The following CACNA2D3 variants were observed in gnomAD, a reference collection of about 807,000 sequenced individuals.
CACNA2D3 encodes the protein calcium voltage-gated channel auxiliary subunit alpha2delta 3.
CACNA2D3 carries 60 observed loss-of-function variants against 160.6 expected under a neutral mutation model. The ratio of observed to expected loss-of-function variants is 0.37; its 90% CI spans 0.30 to 0.46. The LOEUF (loss-of-function observed/expected upper bound fraction) is 0.46. Among genes scored for constraint, CACNA2D3 ranks in the 20% least tolerant of loss-of-function variants. The probability of loss-of-function intolerance (pLI) is 1.00; values close to 1 mark genes in which losing one functional copy is unlikely to be tolerated. For synonymous variants in CACNA2D3, 558 were observed against 492.9 expected (o/e 1.13, Z -1.75); for missense variants, 1,205 against 1,365.0 (o/e 0.88, Z 1.85).
intron 2 of CACNA2D3, among the ~76,000 whole-genome samples, chr3:54,210,522 A>G (rs2107361836): frequency 6.6e-6 from 1 of 152,106 alleles, no homozygotes; most frequent in South Asian, 2.1e-4. Flanking sequence ...GTATATGTGA[A>G]CTTGGTAAGG....
chr3:54,401,325 A>G (rs572261618), intron 4 of CACNA2D3, among the ~76,000 whole-genome samples: 2 of 152,348 alleles, frequency 1.3e-5, no homozygotes, highest in East Asian at 3.9e-4. Flanking sequence ...GAGGAAGCTT[A>G]TGAAATAATG....
intron 2 of CACNA2D3, among the ~76,000 whole-genome samples, chr3:54,262,801 C>T (rs1026666711): frequency 8.5e-5 from 13 of 152,204 alleles, no homozygotes; most frequent in East Asian, 1.9e-4. Flanking sequence ...AACCGCATGG[C>T]GAGCCACCTC....
chr3:55,071,977 G>A (rs1398110411), intron 35 of CACNA2D3, among the ~76,000 whole-genome samples: 1 of 152,224 alleles, frequency 6.6e-6, no homozygotes, highest in Non-Finnish European at 1.5e-5. Context: ...ATATATTTAT[G>A]TTGATGGGCA....
chr3:54,874,119 T>C (rs2106826532), intron 18 of CACNA2D3, among the ~76,000 whole-genome samples: 1 of 152,358 alleles, frequency 6.6e-6, no homozygotes, highest in East Asian at 1.9e-4. Context: ...ACCACAGTTA[T>C]AACCTGCATA....
intron 4 of CACNA2D3, among the ~76,000 whole-genome samples, chr3:54,466,723 T>A (rs1480334368): frequency 1.3e-5 from 2 of 152,234 alleles, no homozygotes. Context: ...CTCATTATAA[T>A]GTTGTGATTT....
At chr3:55,073,950 C>A in intron 37 of CACNA2D3, 91 bp downstream of exon 37, 1 of 1,195,326 alleles carries the variant, frequency 8.4e-7, no homozygotes. Flanking sequence ...GAAAAGTTCA[C>A]TCATGAGAAA....
chr3:54,860,607 C>T (rs572078565), intron 17 of CACNA2D3, among the ~76,000 whole-genome samples: 37 of 152,322 alleles, frequency 2.4e-4, no homozygotes, highest in African/African-American at 8.4e-4. Flanking sequence ...CAGCTCTGCT[C>T]AGTATGGAAT....
chr3:54,618,374 T>TATACACAC, intron 9 of CACNA2D3, among the ~76,000 whole-genome samples: 1 of 54,582 alleles, frequency 1.8e-5, no homozygotes, highest in African/African-American at 1.1e-4. Flanking sequence ...TATATATATA[T>TATACACAC]GCACACACAC....
Position 54,818,264 on chromosome 3 carries a change from A to G in CACNA2D3, c.1398+1394A>G, listed in dbSNP as rs150748765. 4.1e-3 allele frequency among the ~76,000 whole-genome samples: 620 copies of G among 152,290 alleles called. 4 individuals are homozygous for G. The highest frequency in any genetic ancestry group is 0.013 in the African/African-American group (536 of 41,572). On this transcript the variant is annotated intron_variant, in intron 14 of 37. Transcript: ENST00000474759. Reference sequence around the variant, plus strand: ...GAGTGCAACAATCTCGGCTCACGCAATCTCCACCTCCCGGGTTCAATCGAT... The same window carrying G: ...GAGTGCAACAATCTCGGCTCACGCAGTCTCCACCTCCCGGGTTCAATCGAT...
At chr3:54,726,867 G>A (rs1256751835) in intron 11 of CACNA2D3, among the ~76,000 whole-genome samples, 4 of 152,174 alleles carry the variant, frequency 2.6e-5, no homozygotes, top group African/African-American at 7.2e-5. Flanking sequence ...AAGGCTTCAT[G>A]TCTAAAACAC....
chr3:54,998,664 T>G (rs1702911629), intron 31 of CACNA2D3, among the ~76,000 whole-genome samples: 2 of 152,164 alleles, frequency 1.3e-5, no homozygotes, highest in Admixed American at 1.3e-4. Flanking sequence ...CCTGATAGCC[T>G]GTGTGGTTTA....
intron 4 of CACNA2D3, among the ~76,000 whole-genome samples, chr3:54,464,498 C>T (rs1021158667): frequency 2.5e-4 from 38 of 152,380 alleles, no homozygotes; most frequent in African/African-American, 8.2e-4. Context: ...CTCCCCCAGC[C>T]TCGCTGCCAC....
At chr3:55,000,616 C>T (rs1406765723) in intron 31 of CACNA2D3, among the ~76,000 whole-genome samples, 1 of 152,078 alleles carries the variant, frequency 6.6e-6, no homozygotes, top group Non-Finnish European at 1.5e-5. Context: ...TGGGGGCTGC[C>T]CCAGAGCAAT....
chr3:54,651,280 C>T (rs1699759081), intron 11 of CACNA2D3, among the ~76,000 whole-genome samples: 1 of 152,042 alleles, frequency 6.6e-6, no homozygotes, highest in Non-Finnish European at 1.5e-5. Context: ...AGTCAGAGAG[C>T]AGGAGAACAG....
At chr3:54,782,298 A>G (rs1022683029) in intron 13 of CACNA2D3, among the ~76,000 whole-genome samples, 1 of 152,220 alleles carries the variant, frequency 6.6e-6, no homozygotes, top group African/African-American at 2.4e-5. Context: ...ACAATGCTGT[A>G]TTATATACTG....
chr3:54,989,635 T>C (rs1018662555), intron 31 of CACNA2D3, among the ~76,000 whole-genome samples: 2 of 152,188 alleles, frequency 1.3e-5, no homozygotes, highest in African/African-American at 4.8e-5. Flanking sequence ...AAAATGAAGA[T>C]GACAATAATT....
chr3:54,820,809 C>T (rs1575494613), intron 14 of CACNA2D3, among the ~76,000 whole-genome samples: 1 of 152,218 alleles, frequency 6.6e-6, no homozygotes, highest in Non-Finnish European at 1.5e-5. Context: ...ATGATAATAA[C>T]ATAGCAGAAT....
chr3:54,184,940 G>A (rs186762509), intron 2 of CACNA2D3, among the ~76,000 whole-genome samples: 30 of 152,328 alleles, frequency 2.0e-4, no homozygotes, highest in African/African-American at 7.0e-4. Context: ...ACGTAGGCTA[G>A]GTAGGGAAGC....
intron 21 of CACNA2D3, among the ~76,000 whole-genome samples, 195 bp from the exon 22 acceptor site, chr3:54,885,086 G>C (rs75280185): frequency 0.024 from 3,713 of 152,258 alleles, 148 homozygotes; most frequent in African/African-American, 0.084. Context: ...GTGAGGTAGA[G>C]ATGGGGAGAG....
Sources: gnomAD v4.1 joint callset for allele counts (sites outside exome capture counted in the v4.1 genomes callset) on GRCh38, gnomAD v4.1.1 for gene constraint, MANE v1.5 for transcripts, NCBI Gene and HGNC (gene_info 2026-07-23, HGNC 2026-07-21) for gene names.